The following MYH15 variants were observed in gnomAD, a reference collection of about 807,000 sequenced individuals.
MYH15 encodes the protein myosin-15.
In MYH15, 227 loss-of-function variants were observed where a neutral mutation model predicts 240.5. That is an observed-to-expected ratio of 0.94 (90% CI 0.85 to 1.05). The LOEUF (loss-of-function observed/expected upper bound fraction) is 1.05. Ranked by LOEUF, MYH15 falls within the 50% of genes least tolerant of loss-of-function variation. The probability of loss-of-function intolerance (pLI) is 0.00; values close to 1 mark genes in which losing one functional copy is unlikely to be tolerated. For missense variants in MYH15, 2,217 were observed against 2,247.5 expected (o/e 0.99, Z 0.27); for synonymous variants, 785 against 796.7 (o/e 0.99, Z 0.25).
In MYH15 at chr3:108,437,597, T is replaced by A. The variant is rs371025167; in HGVS notation, c.3178A>T (p.Asn1060Tyr). ...NLKLNRESMENLESSQRHLAE... is the reference protein window; with the variant it reads ...NLKLNRESMEYLESSQRHLAE... Reference sequence around the variant, plus strand: ...AGGTGTCGCTGGCTGCTTTCCAGGTTCTCCATACTTTCCCGATTCAGCTTT... The same window carrying A: ...AGGTGTCGCTGGCTGCTTTCCAGGTACTCCATACTTTCCCGATTCAGCTTT... The change falls in exon 25 of 41, where the codon AAC becomes TAC. Residue 1060 changes from asparagine (N) to tyrosine (Y), a missense_variant. Coordinates refer to ENST00000693548, the MANE Select transcript of MYH15 (RefSeq NM_014981.3). The A allele has an allele frequency of 6.2e-7, 1 of 1,613,914 alleles. No homozygotes were observed. Among genetic ancestry groups the A allele is most frequent in the Non-Finnish European group, 8.5e-7 (1 of 1,179,974 alleles).
upstream of MYH15, among the ~76,000 whole-genome samples, chr3:108,514,797 G>A (rs1409413704): frequency 2.0e-5 from 3 of 152,038 alleles, no homozygotes; most frequent in Non-Finnish European, 2.9e-5. Flanking sequence ...GAGAAAACAC[G>A]TTCCTCACAT....
chr3:108,458,375 C>T (rs901873268), intron 18 of MYH15, among the ~76,000 whole-genome samples: 21 of 152,118 alleles, frequency 1.4e-4, no homozygotes, highest in African/African-American at 4.8e-4. Flanking sequence ...AACATACAGC[C>T]GTGAATGAAC....
In MYH15 at chr3:108,380,840, A is replaced by G. The variant is rs1164037118; in HGVS notation, c.*705T>C. On this transcript the variant is annotated 3_prime_UTR_variant, in exon 41 of 41. Transcript: ENST00000693548. ...TTCTTTATGACCTACTCCAATCCAG[A>G]ACCATGAGAGAGAGGAATTCCGGGA... 1.3e-5 allele frequency: 2 copies of G among 152,716 alleles called. No homozygotes were observed. Among genetic ancestry groups the G allele is most frequent in the East Asian group, 1.9e-4 (1 of 5,202 alleles). 9.5% of individuals were successfully genotyped at this position (152,716 alleles called of 1,614,324 possible). A position where few individuals can be genotyped will look rare whatever the true frequency, so the allele number is the denominator to read the frequency against.
rs75864965 is a variant in MYH15, at chr3:108,498,315, C to T, written c.525-170G>A. Among the ~76,000 whole-genome samples, 58 of 152,236 alleles carry T rather than the reference C, an allele frequency of 3.8e-4. No individual in the cohort carries two copies. The East Asian group carries it at 0.011, about 29-fold the overall frequency. ...GACATTTAATTGGTTGGGAGAAGGG[C>T]AAGGACATTTCAGGCTGGAAAAACA... is the stretch of plus-strand genomic sequence containing the variant. On this transcript the variant is annotated intron_variant, in intron 5 of 40. Coordinates refer to ENST00000693548, the MANE Select transcript of MYH15 (RefSeq NM_014981.3).
At position 108,501,664 on chromosome 3, in the gene MYH15, C is replaced by CA. The variant is rs1471871749; in HGVS notation, c.339+47dup. On this transcript the variant is annotated intron_variant, in intron 3 of 40. Transcript: ENST00000693548. ...ATCACCCAGGAGAGATTGGGACATG[C>CA]AATGTGACTGCCAACATGACAGTTT... 1.4e-5 allele frequency: 22 copies of CA among 1,609,964 alleles called. No homozygotes were observed. In the East Asian group the frequency reaches 1.8e-4, roughly 13 times the overall value.
chr3:108,470,898 A>G, intron 12 of MYH15, 51 bp from the exon 13 acceptor site: 2 of 1,588,296 alleles, frequency 1.3e-6, no homozygotes, highest in Non-Finnish European at 1.7e-6. Flanking sequence ...TGTTCATTTT[A>G]ATCCCGGGCA....
intron 14 of MYH15, among the ~76,000 whole-genome samples, chr3:108,467,284 G>A (rs1474056825): frequency 1.3e-5 from 2 of 151,302 alleles, no homozygotes; most frequent in Non-Finnish European, 2.9e-5. Flanking sequence ...GTGCATACAA[G>A]ATACAACTAG....
At chr3:108,491,369 C>T (rs1044800987) in intron 9 of MYH15, among the ~76,000 whole-genome samples, 2 of 152,158 alleles carry the variant, frequency 1.3e-5, no homozygotes, top group African/African-American at 4.8e-5. Context: ...AATTCATTCC[C>T]TTATTCCACA....
At chr3:108,543,914 T>C in the MYH15 span, 3 of 147,604 alleles carry the variant, frequency 2.0e-5, no homozygotes, top group Non-Finnish European at 3.0e-5. Context: ...AACGGTTGGC[T>C]GGAAAGGCTC....
intron 3 of MYH15, among the ~76,000 whole-genome samples, chr3:108,500,985 G>A (rs1409714536): frequency 6.6e-6 from 1 of 152,214 alleles, no homozygotes; most frequent in African/African-American, 2.4e-5. Flanking sequence ...CAGAGGGAGT[G>A]CAGCCCTGCT....
At chr3:108,454,470 G>T (rs2083003019) in intron 20 of MYH15, among the ~76,000 whole-genome samples, 1 of 152,162 alleles carries the variant, frequency 6.6e-6, no homozygotes, top group African/African-American at 2.4e-5. Context: ...GTGTGCCAAA[G>T]TACCAGGTAG....
At chr3:108,547,090 T>C in the MYH15 span, among the ~76,000 whole-genome samples, 1 of 151,496 alleles carries the variant, frequency 6.6e-6, no homozygotes, top group Non-Finnish European at 1.5e-5. Flanking sequence ...CATATATATA[T>C]ATATATGTCT....
chr3:108,425,117 C>T (rs1012046074), intron 27 of MYH15, among the ~76,000 whole-genome samples: 15 of 152,162 alleles, frequency 9.9e-5, no homozygotes, highest in Non-Finnish European at 1.9e-4. Context: ...ACAGGTAAGT[C>T]TTTAATGCAG....
chr3:108,495,075 T>G (rs1407571237), intron 7 of MYH15, among the ~76,000 whole-genome samples: 1 of 152,170 alleles, frequency 6.6e-6, no homozygotes, highest in Non-Finnish European at 1.5e-5. Context: ...GCTCTAAGGC[T>G]TTGGATGGAA....
At chr3:108,540,938 T>C in the MYH15 span, among the ~76,000 whole-genome samples, 6 of 152,088 alleles carry the variant, frequency 3.9e-5, no homozygotes, top group Non-Finnish European at 8.8e-5. Flanking sequence ...TATTCATATA[T>C]TTTATGAATA....
At chr3:108,464,335 A>G (rs2083095869) in intron 15 of MYH15, among the ~76,000 whole-genome samples, 1 of 152,196 alleles carries the variant, frequency 6.6e-6, no homozygotes, top group African/African-American at 2.4e-5. Flanking sequence ...TTAAGTTAAA[A>G]GGAAGGACAA....
chr3:108,438,023 TCATTTCACGGGTGGATAAGTC>T (rs1416418718), intron 24 of MYH15, among the ~76,000 whole-genome samples: 2 of 152,328 alleles, frequency 1.3e-5, no homozygotes, highest in East Asian at 3.9e-4. Flanking sequence ...ACATGGCGGC[TCATTTCACGGGTGGATAAGTC>T]CATTTACTTG....
Position 108,454,023 on chromosome 3 carries a change from C to T in MYH15, c.2382G>A (p.Gln794=). Residue 794 remains glutamine (Q), a synonymous_variant, in exon 21 of 41, where the codon CAG becomes CAA. Transcript: ENST00000693548. The part of the protein sequence containing the change: ...AQGKLMRIKF[Q]KILEERDALI... ...TATAATACCTTTCTTCCAGAATCTTCTGGAATTTGATTCGCATCAGTTTGC... is the reference window on the plus strand; with the variant it reads ...TATAATACCTTTCTTCCAGAATCTTTTGGAATTTGATTCGCATCAGTTTGC... 1 of 1,611,546 alleles carries T rather than the reference C, an allele frequency of 6.2e-7. No individual in the cohort carries two copies.
intron 12 of MYH15, among the ~76,000 whole-genome samples, chr3:108,473,508 C>A (rs1015841014): frequency 3.3e-5 from 5 of 152,098 alleles, no homozygotes; most frequent in African/African-American, 4.8e-5. Context: ...TCATCCTCAC[C>A]CCAGTATTTA....
Sources: allele counts gnomAD v4.1 joint callset (sites outside exome capture counted in the v4.1 genomes callset), GRCh38; gene constraint gnomAD v4.1.1; transcripts MANE v1.5; gene names NCBI Gene and HGNC (gene_info 2026-07-23, HGNC 2026-07-21).